LCLAT1: variants seen among roughly 807,000 people sequenced by gnomAD.
LCLAT1 encodes the protein 1-AGP acyltransferase 8.
Under a neutral mutation model 30.7 loss-of-function variants are expected in LCLAT1, and 11 were observed. The ratio of observed to expected loss-of-function variants is 0.36; its 90% CI spans 0.23 to 0.59. The LOEUF is 0.59. Among genes scored for constraint, LCLAT1 ranks in the 20% least tolerant of loss-of-function variants. The pLI is 0.77. For synonymous variants in LCLAT1, 155 were observed against 151.3 expected (o/e 1.02, Z -0.18); for missense variants, 402 against 458.6 (o/e 0.88, Z 1.13).
At position 30,566,976 on chromosome 2, in the gene LCLAT1, A is replaced by G. The variant is rs182525268; in HGVS notation, c.512-1084A>G. Among the ~76,000 whole-genome samples the G allele has an allele frequency of 2.0e-5, 3 of 152,350 alleles. No individual in the cohort carries two copies. In the East Asian group the frequency reaches 5.8e-4, roughly 29 times the overall value. On this transcript the variant is annotated intron_variant, in intron 4 of 5. Transcript: ENST00000379509. ...TGGAGCGGTTTGGGTTAGTAATATT[A>G]ACATACTCTGTGCCTGAGCAAGGCA...
intron 1 of LCLAT1, among the ~76,000 whole-genome samples, chr2:30,450,347 AT>A (rs1202967374): frequency 6.6e-6 from 1 of 152,184 alleles, no homozygotes; most frequent in Non-Finnish European, 1.5e-5. Context: ...AGACCACAGT[AT>A]TACAGGTGTT....
chr2:30,542,246 ATTG>A (rs1664177284), intron 3 of LCLAT1, among the ~76,000 whole-genome samples: 1 of 151,830 alleles, frequency 6.6e-6, no homozygotes, highest in African/African-American at 2.4e-5. Context: ...ATTTCTTCTT[ATTG>A]TTCTTTCTTT....
intron 1 of LCLAT1, among the ~76,000 whole-genome samples, chr2:30,487,680 G>A (rs1198718192): frequency 6.6e-6 from 1 of 152,212 alleles, no homozygotes; most frequent in Non-Finnish European, 1.5e-5. Context: ...GGGATGAGAT[G>A]TGTTAGGTGG....
chr2:30,504,573 AG>A (rs1191345470), intron 1 of LCLAT1, among the ~76,000 whole-genome samples: 1 of 152,150 alleles, frequency 6.6e-6, no homozygotes, highest in East Asian at 1.9e-4. Flanking sequence ...CATCTTCCTA[AG>A]GGGTATGGGT....
intron 1 of LCLAT1, among the ~76,000 whole-genome samples, chr2:30,511,746 ACT>A (rs1024896141): frequency 2.0e-5 from 3 of 151,894 alleles, no homozygotes; most frequent in African/African-American, 7.3e-5. Flanking sequence ...TAATTGGGAA[ACT>A]CTGTTTTACC....
At chr2:30,544,904 A>G (rs2148415013) in intron 3 of LCLAT1, among the ~76,000 whole-genome samples, 1 of 152,252 alleles carries the variant, frequency 6.6e-6, no homozygotes, top group South Asian at 2.1e-4. Context: ...AGACAAGAGG[A>G]AAATTCATCT....
At chr2:30,561,431 A>G (rs182434058) in intron 3 of LCLAT1, among the ~76,000 whole-genome samples, 15 of 152,202 alleles carry the variant, frequency 9.9e-5, no homozygotes, top group Middle Eastern at 3.4e-3. Context: ...TGGACAGACT[A>G]TTGGATTGAT....
intron 1 of LCLAT1, among the ~76,000 whole-genome samples, chr2:30,512,355 G>T (rs2148360224): frequency 6.6e-6 from 1 of 152,092 alleles, no homozygotes; most frequent in East Asian, 1.9e-4. Flanking sequence ...ATATTGTTCT[G>T]CTGGATGTCT....
intron 1 of LCLAT1, among the ~76,000 whole-genome samples, chr2:30,470,526 A>G (rs1040088713): frequency 6.6e-6 from 1 of 152,238 alleles, no homozygotes; most frequent in Non-Finnish European, 1.5e-5. Flanking sequence ...AATTCCTCCC[A>G]TAGTTGGCTT....
chr2:30,586,160 C>T (rs939170295), intron 5 of LCLAT1, among the ~76,000 whole-genome samples: 2 of 148,490 alleles, frequency 1.3e-5, no homozygotes, highest in African/African-American at 5.0e-5. Flanking sequence ...AGGGGAATGG[C>T]GTCAACCCGG....
At chr2:30,470,285 G>T (rs1005480439) in intron 1 of LCLAT1, among the ~76,000 whole-genome samples, 4 of 152,120 alleles carry the variant, frequency 2.6e-5, no homozygotes, top group African/African-American at 9.7e-5. Context: ...ATGACCACTG[G>T]CTAGTGACTC....
In LCLAT1 at chr2:30,525,115, C is replaced by CT. The variant is rs200255857; in HGVS notation, c.-4-463dup. Among the ~76,000 whole-genome samples, 1,019 of 151,304 alleles carry CT rather than the reference C, an allele frequency of 6.7e-3. 10 individuals are homozygous for CT. The highest frequency in any genetic ancestry group is 0.022 in the African/African-American group (927 of 41,262). On this transcript the variant is annotated intron_variant, in intron 1 of 5. Transcript: ENST00000379509. ...TTTGCTCTGTTGAGAGTATCAGTTTCTTTTTTTTTGAAACTGTCTCATTCT... is the reference window on the plus strand; with the variant it reads ...TTTGCTCTGTTGAGAGTATCAGTTTCTTTTTTTTTTGAAACTGTCTCATTCT...
chr2:30,540,209 A>G (rs1664062450), intron 3 of LCLAT1, among the ~76,000 whole-genome samples: 1 of 152,232 alleles, frequency 6.6e-6, no homozygotes, highest in African/African-American at 2.4e-5. Context: ...TTTGTTAAAT[A>G]GAAATGGGTG....
chr2:30,639,481 T>A (rs1370363918), intron 5 of LCLAT1, among the ~76,000 whole-genome samples: 1 of 150,624 alleles, frequency 6.6e-6, no homozygotes, highest in Non-Finnish European at 1.5e-5. Flanking sequence ...CTATTTATTT[T>A]TAAAGATGGA....
intron 2 of LCLAT1, 130 bp downstream of exon 2, chr2:30,525,885 C>T: frequency 1.4e-6 from 1 of 702,352 alleles, no homozygotes; most frequent in Non-Finnish European, 2.4e-6. Context: ...CTTCTGTATG[C>T]TTTAAATAAT....
chr2:30,605,835 A>G (rs1667411702), intron 5 of LCLAT1, among the ~76,000 whole-genome samples: 1 of 152,104 alleles, frequency 6.6e-6, no homozygotes, highest in South Asian at 2.1e-4. Flanking sequence ...CCATTTGTCC[A>G]CGGCTCGGGG....
At chr2:30,455,753 T>A (rs779442446) in intron 1 of LCLAT1, among the ~76,000 whole-genome samples, 1 of 151,372 alleles carries the variant, frequency 6.6e-6, no homozygotes, top group African/African-American at 2.4e-5. Flanking sequence ...TAAAAAAAAA[T>A]TAAAAAGTTA....
Position 30,640,765 on chromosome 2 carries a change from G to T in LCLAT1, c.*146G>T. The T allele has an allele frequency of 9.6e-7, 1 of 1,038,790 alleles. No homozygotes were observed. Among genetic ancestry groups the T allele is most frequent in the Non-Finnish European group, 1.4e-6 (1 of 740,338 alleles). 64.3% of individuals were successfully genotyped at this position (1,038,790 alleles called of 1,614,324 possible). On this transcript the variant is annotated 3_prime_UTR_variant, in exon 6 of 6. Transcript: ENST00000379509. ...TTAAAGATATTTTGCACTTAATTTT[G>T]TGGGAAAAATATTGCTACAATTTTT...
intron 1 of LCLAT1, among the ~76,000 whole-genome samples, chr2:30,524,888 G>A (rs755716773): frequency 6.6e-6 from 1 of 152,130 alleles, no homozygotes; most frequent in Non-Finnish European, 1.5e-5. Context: ...GTCTTGGAAT[G>A]GATCCAAAGT....
Sources: gnomAD v4.1 joint callset for allele counts (sites outside exome capture counted in the v4.1 genomes callset) on GRCh38, gnomAD v4.1.1 for gene constraint, MANE v1.5 for transcripts, NCBI Gene and HGNC (gene_info 2026-07-23, HGNC 2026-07-21) for gene names.